The following MANBAL variants were observed in gnomAD, a reference collection of about 807,000 sequenced individuals.
MANBAL encodes the protein protein MANBAL.
A neutral mutation model predicts 6.4 loss-of-function variants in MANBAL; 1 was observed. The observed-to-expected ratio is 0.16, with a 90% CI of 0.06 to 0.74. The LOEUF is 0.74. MANBAL is among the 30% of genes least tolerant of loss of function. MANBAL has a pLI of 0.78. For synonymous variants in MANBAL, 47 were observed against 45.8 expected, an observed-to-expected ratio of 1.03 and a Z score of -0.10; for missense variants, 100 against 107.8, an observed-to-expected ratio of 0.93 and a Z score of 0.32.
intron 1 of MANBAL, among the ~76,000 whole-genome samples, chr20:37,294,924 G>C (rs934111261): frequency 1.3e-5 from 2 of 152,168 alleles, no homozygotes; most frequent in Admixed American, 6.5e-5. Context: ...GGTGAACTTC[G>C]CAGTGTCCAG....
intron 2 of MANBAL, chr20:37,302,387 G>A (rs1057397937): frequency 1.8e-5 from 27 of 1,535,218 alleles, no homozygotes; most frequent in Non-Finnish European, 2.1e-5. Flanking sequence ...AGCAGGTGGT[G>A]TCTGGCTGCT....
chr20:37,303,270 C>G (rs1410195312), intron 2 of MANBAL, among the ~76,000 whole-genome samples: 1 of 152,132 alleles, frequency 6.6e-6, no homozygotes, highest in Admixed American at 6.5e-5. Flanking sequence ...CTCTAAAATG[C>G]TCTGGTTCTT....
intron 1 of MANBAL, among the ~76,000 whole-genome samples, chr20:37,296,708 AGTT>A (rs1404331677): frequency 1.3e-5 from 2 of 152,178 alleles, no homozygotes; most frequent in Non-Finnish European, 2.9e-5. Context: ...CTAGGAAGTA[AGTT>A]ATTCAGTCAA....
chr20:37,316,076 G>T (rs992371467), intron 2 of MANBAL, among the ~76,000 whole-genome samples: 1 of 152,224 alleles, frequency 6.6e-6, no homozygotes, highest in South Asian at 2.1e-4. Flanking sequence ...TTCTACCTGG[G>T]CGTCTGAGAC....
intron 2 of MANBAL, chr20:37,302,362 T>C: frequency 6.5e-7 from 1 of 1,549,518 alleles, no homozygotes; most frequent in East Asian, 2.4e-5. Flanking sequence ...TACTCCCTAC[T>C]GTGTGGCATC....
At chr20:37,309,644 A>G (rs2069337181) in intron 2 of MANBAL, among the ~76,000 whole-genome samples, 1 of 152,132 alleles carries the variant, frequency 6.6e-6, no homozygotes, top group African/African-American at 2.4e-5. Context: ...GTTTTGGCTC[A>G]TCAGTATGGT....
At chr20:37,306,062 T>TA (rs2069251191) in intron 2 of MANBAL, among the ~76,000 whole-genome samples, 1 of 151,774 alleles carries the variant, frequency 6.6e-6, no homozygotes. Context: ...TGTAAGACAC[T>TA]AGGCAGCCAG....
At chr20:37,316,167 T>G in intron 2 of MANBAL, 141 bp from the exon 3 acceptor site, 4 of 725,648 alleles carry the variant, frequency 5.5e-6, no homozygotes, top group Non-Finnish European at 9.0e-6. Context: ...CCCACATCCG[T>G]GTGGGTGGTA....
chr20:37,312,985 C>A (rs2069421568), intron 2 of MANBAL, among the ~76,000 whole-genome samples: 1 of 152,200 alleles, frequency 6.6e-6, no homozygotes, highest in African/African-American at 2.4e-5. Context: ...GAGACCTTGG[C>A]TGTTCTTTCA....
intron 2 of MANBAL, among the ~76,000 whole-genome samples, chr20:37,306,915 C>T (rs1022263624): frequency 1.3e-5 from 2 of 152,198 alleles, no homozygotes; most frequent in African/African-American, 4.8e-5. Flanking sequence ...CTAGACCACA[C>T]CCAGAGATTC....
chr20:37,307,945 G>A (rs563368175), intron 2 of MANBAL, among the ~76,000 whole-genome samples: 2 of 152,296 alleles, frequency 1.3e-5, no homozygotes, highest in East Asian at 3.9e-4. Context: ...TAGAACCCAA[G>A]AGCAGGAGCG....
intron 1 of MANBAL, among the ~76,000 whole-genome samples, chr20:37,289,930 G>A (rs975147100): frequency 6.6e-6 from 1 of 152,248 alleles, no homozygotes; most frequent in Non-Finnish European, 1.5e-5. Context: ...TGCGGAGGCT[G>A]GGCCAGAACC....
At position 37,313,281 on chromosome 20, in the gene MANBAL, G is replaced by C. The variant is rs532150750; in HGVS notation, c.151-3027G>C. On this transcript the variant is annotated intron_variant, in intron 2 of 2. Transcript: ENST00000373606. ...AGCTACTCGGGAGGCTGAGGCAGGA[G>C]AATGGCATGAACCCAGGAGGCGGAA... is the stretch of plus-strand genomic sequence containing the variant. Among the ~76,000 whole-genome samples, 3 of 152,256 alleles carry C rather than the reference G, an allele frequency of 2.0e-5. No individual in the cohort carries two copies. In the East Asian group the frequency reaches 5.8e-4, roughly 29 times the overall value.
intron 2 of MANBAL, among the ~76,000 whole-genome samples, chr20:37,302,766 GT>G (rs201677387): frequency 8.8e-4 from 127 of 144,828 alleles, no homozygotes; most frequent in Admixed American, 2.1e-3. Context: ...ATATGTTTTA[GT>G]TTTTTTTTTT....
chr20:37,316,501 C>G lies in MANBAL; in HGVS notation c.*86C>G. The G allele has an allele frequency of 8.1e-7, 1 of 1,233,686 alleles. No homozygotes were observed. The highest frequency in any genetic ancestry group is 1.1e-6 in the Non-Finnish European group (1 of 875,358). 76.4% of individuals were successfully genotyped at this position (1,233,686 alleles called of 1,614,324 possible). A position where few individuals can be genotyped will look rare whatever the true frequency, so the allele number is the denominator to read the frequency against. ...AATCTACATTGTGTTCCCCCGCATT[C>G]CAGGCTCAGGGTCTGAGGAGGCTGT... is the stretch of plus-strand genomic sequence containing the variant. On this transcript the variant is annotated 3_prime_UTR_variant, in exon 3 of 3. Coordinates refer to ENST00000373606, the MANE Select transcript of MANBAL (RefSeq NM_001003897.2).
In MANBAL at chr20:37,295,607, G is replaced by A. The variant is rs142909621; in HGVS notation, c.-56-5601G>A. Among the ~76,000 whole-genome samples, 462 of 152,282 alleles carry A rather than the reference G, an allele frequency of 3.0e-3. 4 individuals are homozygous for A. The highest frequency in any genetic ancestry group is 0.011 in the African/African-American group (447 of 41,556). ...TACTGGGTAAGCGCCCTGACTCTGGGGAAGCCAGCCCCTTTGAATCTTGCC... is the reference window on the plus strand; with the variant it reads ...TACTGGGTAAGCGCCCTGACTCTGGAGAAGCCAGCCCCTTTGAATCTTGCC... On this transcript the variant is annotated intron_variant, in intron 1 of 2. Transcript: ENST00000373606.
At chr20:37,290,197 G>A (rs986410327) in intron 1 of MANBAL, among the ~76,000 whole-genome samples, 9 of 152,230 alleles carry the variant, frequency 5.9e-5, no homozygotes, top group Non-Finnish European at 1.3e-4. Flanking sequence ...AATTCTAAGA[G>A]AAGCGAGAAA....
intron 2 of MANBAL, among the ~76,000 whole-genome samples, chr20:37,304,631 A>G (rs1437573352): frequency 1.3e-5 from 2 of 152,214 alleles, no homozygotes; most frequent in Non-Finnish European, 2.9e-5. Flanking sequence ...TATCTTGGAT[A>G]TCACTGTTCC....
At chr20:37,305,212 C>T (rs976585653) in intron 2 of MANBAL, among the ~76,000 whole-genome samples, 1 of 152,152 alleles carries the variant, frequency 6.6e-6, no homozygotes, top group Admixed American at 6.5e-5. Flanking sequence ...GCATGCTATT[C>T]GGTATTATAA....
Sources: gnomAD v4.1 joint callset for allele counts (sites outside exome capture counted in the v4.1 genomes callset) on GRCh38, gnomAD v4.1.1 for gene constraint, MANE v1.5 for transcripts, NCBI Gene and HGNC (gene_info 2026-07-23, HGNC 2026-07-21) for gene names.